Variants in MAN1C1 observed in about 807,000 individuals in gnomAD.
The protein encoded by MAN1C1 is mannosidase alpha class 1C member 1, also known as mannosyl-oligosaccharide 1,2-alpha-mannosidase IC.
Under a neutral mutation model 71.5 loss-of-function variants are expected in MAN1C1, and 49 were observed. The ratio of observed to expected loss-of-function variants is 0.69; its 90% CI spans 0.54 to 0.87. The LOEUF (loss-of-function observed/expected upper bound fraction) is 0.87, where lower values mean the gene tolerates loss of function less well. Ranked by LOEUF, MAN1C1 falls within the 40% of genes least tolerant of loss-of-function variation. The pLI, the probability that MAN1C1 is intolerant of heterozygous loss-of-function variation, is 0.00. For synonymous variants in MAN1C1, 352 were observed against 343.7 expected (o/e 1.02, Z -0.27); for missense variants, 743 against 835.0 (o/e 0.89, Z 1.36).
chr1:25,629,796 T>A (rs1178252262), intron 1 of MAN1C1, among the ~76,000 whole-genome samples: 5 of 152,144 alleles, frequency 3.3e-5, no homozygotes, highest in African/African-American at 1.2e-4. Context: ...AGTTCTTTGT[T>A]GGATATATAG....
chr1:25,656,387 T>G (rs1180785734), intron 1 of MAN1C1, among the ~76,000 whole-genome samples: 2 of 152,106 alleles, frequency 1.3e-5, no homozygotes, highest in Non-Finnish European at 2.9e-5. Flanking sequence ...CATCAGTCAC[T>G]GCGCCGGGCC....
At chr1:25,763,652 G>A in intron 6 of MAN1C1, 1 of 556,698 alleles carries the variant, frequency 1.8e-6, no homozygotes, top group South Asian at 2.0e-5. Flanking sequence ...CAGTGGAGAG[G>A]CTATGGATCA....
chr1:25,719,876 C>T (rs188049077), intron 2 of MAN1C1, among the ~76,000 whole-genome samples: 354 of 151,794 alleles, frequency 2.3e-3, no homozygotes, highest in African/African-American at 8.2e-3. Context: ...CTCCGCCTCC[C>T]AGGTTCAAGC....
At chr1:25,656,256 C>T (rs1400327140) in intron 1 of MAN1C1, among the ~76,000 whole-genome samples, 5 of 151,526 alleles carry the variant, frequency 3.3e-5, no homozygotes, top group Non-Finnish European at 7.4e-5. Context: ...CACCACCATG[C>T]CCCGCTAATT....
At chr1:25,771,616 GGC>G (rs762860688) in intron 7 of MAN1C1, 39 bp from the exon 8 acceptor site, 2 of 1,495,148 alleles carry the variant, frequency 1.3e-6, no homozygotes, top group Non-Finnish European at 1.9e-6. Context: ...GAGAGCCGGC[GGC>G]AGATGGAGAT....
intron 1 of MAN1C1, among the ~76,000 whole-genome samples, chr1:25,675,580 T>A (rs1427459170): frequency 9.1e-6 from 1 of 109,960 alleles, no homozygotes; most frequent in Non-Finnish European, 1.7e-5. Context: ...AATGACTTAT[T>A]TTGCGGGGGG....
rs1231077427 is a variant in MAN1C1, at chr1:25,753,795, C to T, written c.929+217C>T. Reference sequence around the variant, plus strand: ...ACCTACCTTGGGAGCCACAGTGAGTCGGTGGCACGGTGAAAGTGCCAGCGA... The same window carrying T: ...ACCTACCTTGGGAGCCACAGTGAGTTGGTGGCACGGTGAAAGTGCCAGCGA... On this transcript the variant is annotated intron_variant, in intron 5 of 11. Coordinates refer to ENST00000374332, the MANE Select transcript of MAN1C1 (RefSeq NM_020379.4). The surrounding 1 kb of genome is among the most constrained non-coding windows in gnomAD (Gnocchi z 4.9). Among the ~76,000 whole-genome samples, 1 of 152,134 alleles carries T rather than the reference C, an allele frequency of 6.6e-6. No homozygotes were observed. The highest frequency in any genetic ancestry group is 1.5e-5 in the Non-Finnish European group (1 of 68,018).
chr1:25,688,727 C>G, intron 2 of MAN1C1, among the ~76,000 whole-genome samples: 1 of 152,210 alleles, frequency 6.6e-6, no homozygotes, highest in Middle Eastern at 3.2e-3. Flanking sequence ...AGGCACTTAA[C>G]CTCTCTTGGT....
chr1:25,644,328 G>A (rs2045580183), intron 1 of MAN1C1, among the ~76,000 whole-genome samples: 2 of 151,630 alleles, frequency 1.3e-5, no homozygotes, highest in South Asian at 4.2e-4. Context: ...TTCTACCTGG[G>A]ACACAAGGTG....
intron 2 of MAN1C1, among the ~76,000 whole-genome samples, chr1:25,688,960 T>G (rs941332573): frequency 7.2e-5 from 11 of 152,108 alleles, no homozygotes; most frequent in Admixed American, 7.2e-4. Context: ...CCAGTACATG[T>G]AGCGTTCCTA....
chr1:25,693,870 A>T (rs77726512), intron 2 of MAN1C1, among the ~76,000 whole-genome samples: 264 of 152,306 alleles, frequency 1.7e-3, no homozygotes, highest in African/African-American at 6.0e-3. Context: ...TACAATGGGG[A>T]TAACAACTAC....
intron 7 of MAN1C1, among the ~76,000 whole-genome samples, chr1:25,768,519 CAT>C (rs2124392981): frequency 8.4e-6 from 1 of 119,078 alleles, no homozygotes; most frequent in Non-Finnish European, 1.8e-5. Flanking sequence ...ACTCCCCTCA[CAT>C]ACATCCACAC....
chr1:25,685,895 C>A (rs1460922595), intron 1 of MAN1C1, among the ~76,000 whole-genome samples: 8 of 152,158 alleles, frequency 5.3e-5, no homozygotes, highest in Non-Finnish European at 2.9e-5. Context: ...TTTTAGGGGA[C>A]AAAACCAAGG....
At chr1:25,703,524 A>G (rs1268190717) in intron 2 of MAN1C1, among the ~76,000 whole-genome samples, 1 of 152,170 alleles carries the variant, frequency 6.6e-6, no homozygotes, top group African/African-American at 2.4e-5. Context: ...TCTACTAAAA[A>G]TACAAAATTA....
chr1:25,706,393 C>T (rs146220334), intron 2 of MAN1C1, among the ~76,000 whole-genome samples: 22 of 152,266 alleles, frequency 1.4e-4, no homozygotes, highest in Admixed American at 5.2e-4. Flanking sequence ...CATCCAGAGA[C>T]GGGAACATGT....
intron 2 of MAN1C1, among the ~76,000 whole-genome samples, chr1:25,687,150 T>C (rs2046243196): frequency 6.6e-6 from 1 of 152,140 alleles, no homozygotes; most frequent in Non-Finnish European, 1.5e-5. Flanking sequence ...TATAGAGTCA[T>C]GGCTCACAAG....
At position 25,631,278 on chromosome 1, in the gene MAN1C1, T is replaced by C. The variant is rs2045376084; in HGVS notation, c.540+12941T>C. ...CCACCGCACCCAGCCCAGTGCTATG[T>C]TTAATAGAAGTAGTGAAAGTCGGCA... On this transcript the variant is annotated intron_variant, in intron 1 of 11. Coordinates refer to ENST00000374332, the MANE Select transcript of MAN1C1 (RefSeq NM_020379.4). This position sits in a 1 kb window ranked among gnomAD's most constrained non-coding sequence, Gnocchi z 4.2. Among the ~76,000 whole-genome samples the C allele has an allele frequency of 6.6e-6, 1 of 152,194 alleles. No homozygotes were observed. The highest frequency in any genetic ancestry group is 6.5e-5 in the Admixed American group (1 of 15,280).
At chr1:25,686,970 A>G (rs2046240060) in intron 2 of MAN1C1, among the ~76,000 whole-genome samples, 2 of 152,174 alleles carry the variant, frequency 1.3e-5, no homozygotes, top group East Asian at 1.9e-4. Flanking sequence ...GGCTGGGTAC[A>G]TGCTATTTAG....
chr1:25,706,324 A>C (rs895530520), intron 2 of MAN1C1, among the ~76,000 whole-genome samples: 1 of 152,172 alleles, frequency 6.6e-6, no homozygotes, highest in African/African-American at 2.4e-5. Flanking sequence ...CATGACCCAG[A>C]TGTGCATCTA....
Sources: allele counts gnomAD v4.1 joint callset (sites outside exome capture counted in the v4.1 genomes callset), GRCh38; gene constraint gnomAD v4.1.1; non-coding constraint Gnocchi (gnomAD v3.1); transcripts MANE v1.5; gene names NCBI Gene and HGNC (gene_info 2026-07-23, HGNC 2026-07-21).